SHROOM4: variants seen among roughly 807,000 people sequenced by gnomAD.
SHROOM4 encodes shroom family member 4.
A neutral mutation model predicts 80.3 loss-of-function variants in SHROOM4; 17 were observed. That is an observed-to-expected ratio of 0.21 (90% CI 0.14 to 0.32). SHROOM4 has a LOEUF of 0.32. SHROOM4 is among the 10% of genes least tolerant of loss of function. The probability of loss-of-function intolerance (pLI) is 1.00; values close to 1 mark genes in which losing one functional copy is unlikely to be tolerated. For missense variants in SHROOM4, 993 were observed against 1,140.3 expected, an observed-to-expected ratio of 0.87 and a Z score of 1.86; for synonymous variants, 400 against 437.5, an observed-to-expected ratio of 0.91 and a Z score of 1.07.
intron 3 of SHROOM4, 31 bp from the exon 4 acceptor site, chrX:50,635,699 G>C: frequency 8.5e-7 from 1 of 1,181,844 alleles, no homozygotes; most frequent in South Asian, 1.8e-5. Flanking sequence ...TGGTTAGTTA[G>C]CGAAGTCATG....
Position 50,607,589 on chromosome X carries a change from G to C in SHROOM4, c.3553C>G (p.Pro1185Ala), listed in dbSNP as rs1557248758. 8.3e-7 allele frequency: 1 copy of C among 1,209,404 alleles called. No homozygotes were observed. The highest frequency in any genetic ancestry group is 1.1e-6 in the Non-Finnish European group (1 of 895,128). Residue 1185 changes from proline (P) to alanine (A), a missense_variant, in exon 6 of 9, where the codon CCC becomes GCC. By Grantham distance (27) the Pro-to-Ala change is conservative (BLOSUM62 -1). Transcript: ENST00000376020. ...NPEEVLEQPQ[P>A]LSFGHLEGSR... ...CCCTCCAGGTGGCCAAAGCTGAGGG[G>C]TTGTGGCTGCTCTAGGACCTCCTCA...
chrX:50,610,907 A>G (rs1929940704), intron 5 of SHROOM4, among the ~76,000 whole-genome samples: 1 of 111,701 alleles, frequency 9.0e-6, no homozygotes, highest in African/African-American at 3.3e-5. Context: ...GAAAAAAAGT[A>G]GAAACAAAAT....
At chrX:50,755,264 A>T (rs1490644370) in intron 1 of SHROOM4, among the ~76,000 whole-genome samples, 1 of 112,113 alleles carries the variant, frequency 8.9e-6, no homozygotes, top group Non-Finnish European at 1.9e-5. Context: ...TCCGCTATAG[A>T]AACCACAAGT....
chrX:50,634,719 T>C lies in SHROOM4; in HGVS notation c.1354A>G (p.Ser452Gly). 8.3e-7 allele frequency: 1 copy of C among 1,211,800 alleles called. No homozygotes were observed. The highest frequency in any genetic ancestry group is 1.1e-6 in the Non-Finnish European group (1 of 895,449). Residue 452 changes from serine to glycine, a missense_variant, in exon 4 of 9, where the codon AGC becomes GGC. Transcript: ENST00000376020. Reference protein sequence around the residue: ...GHQWTLSPLHSSHKGKKSPCP... With the variant: ...GHQWTLSPLHGSHKGKKSPCP... ...GGACTTTTCTTCCCTTTGTGGCTGCTGTGCAAAGGGGACAGAGTCCACTGG... is the reference window on the plus strand; with the variant it reads ...GGACTTTTCTTCCCTTTGTGGCTGCCGTGCAAAGGGGACAGAGTCCACTGG...
chrX:50,720,113 AG>A (rs1387102464), intron 1 of SHROOM4, among the ~76,000 whole-genome samples: 1 of 111,505 alleles, frequency 9.0e-6, no homozygotes, highest in East Asian at 2.8e-4. Context: ...GCATGTTTGC[AG>A]GAAGGGGTAA....
Position 50,623,092 on chromosome X carries a change from C to G in SHROOM4, c.2957+4522G>C, listed in dbSNP as rs782194621. Among the ~76,000 whole-genome samples, 202 of 112,185 alleles carry G rather than the reference C, an allele frequency of 1.8e-3. 3 individuals carry two copies. Among genetic ancestry groups the G allele is most frequent in the Non-Finnish European group, 2.7e-3 (145 of 53,230 alleles). On this transcript the variant is annotated intron_variant, in intron 5 of 8. Coordinates refer to ENST00000376020, the MANE Select transcript of SHROOM4 (RefSeq NM_020717.5). ...GGGCCTGGGGCCACATTTTGAGAAC[C>G]ACTAAATTAAACCCAATTGCTCCCT...
chrX:50,595,956 C>T lies in SHROOM4; in HGVS notation c.*739G>A, dbSNP rs41307627. Reference sequence around the variant, plus strand: ...GGTGAAGCCCTGGGGTAGGCACCTGCGGTAACCCCCAGCAATGTAAAGGAA... The same window carrying T: ...GGTGAAGCCCTGGGGTAGGCACCTGTGGTAACCCCCAGCAATGTAAAGGAA... On this transcript the variant is annotated 3_prime_UTR_variant, in exon 9 of 9. Coordinates refer to ENST00000376020, the MANE Select transcript of SHROOM4 (RefSeq NM_020717.5). The T allele has an allele frequency of 5.7e-3, 1,881 of 327,238 alleles. 5 individuals carry two copies. Among genetic ancestry groups the T allele is most frequent in the Admixed American group, 8.0e-3 (256 of 31,978 alleles). 27.0% of individuals were successfully genotyped at this position (327,238 alleles called of 1,213,427 possible).
chrX:50,741,682 C>T (rs947213084), intron 1 of SHROOM4, among the ~76,000 whole-genome samples: 3 of 111,065 alleles, frequency 2.7e-5, no homozygotes, highest in Non-Finnish European at 5.7e-5. Context: ...AGCACCTTTT[C>T]ATGTGCTTTT....
intron 2 of SHROOM4, among the ~76,000 whole-genome samples, chrX:50,683,400 T>C: frequency 9.0e-6 from 1 of 111,195 alleles, no homozygotes. Flanking sequence ...TTTTGGTGAG[T>C]AAAGATTTCA....
chrX:50,611,213 T>A lies in SHROOM4; in HGVS notation c.2958-3029A>T, dbSNP rs1449437113. 4.1e-5 allele frequency among the ~76,000 whole-genome samples: 4 copies of A among 97,934 alleles called. No individual in the cohort carries two copies. The East Asian group carries it at 1.3e-3, about 32-fold the overall frequency. The allele number at this position is 97,934 out of a possible 115,157, so 85.0% of individuals were successfully genotyped here. On this transcript the variant is annotated intron_variant, in intron 5 of 8. Transcript: ENST00000376020. ...GCCCAGGCCGGACTGCAGTGGCGCTTTCTTAGCTCACTGCAAGCTCCGCCT... is the reference window on the plus strand; with the variant it reads ...GCCCAGGCCGGACTGCAGTGGCGCTATCTTAGCTCACTGCAAGCTCCGCCT...
intron 1 of SHROOM4, among the ~76,000 whole-genome samples, chrX:50,793,460 T>C (rs1557271741): frequency 9.1e-6 from 1 of 109,541 alleles, no homozygotes; most frequent in Non-Finnish European, 1.9e-5. Context: ...CAATAAAAAG[T>C]AAGTTAGATG....
the SHROOM4 span, among the ~76,000 whole-genome samples, chrX:50,579,666 C>T: frequency 9.0e-6 from 1 of 111,220 alleles, no homozygotes; most frequent in African/African-American, 3.3e-5. Flanking sequence ...TACTGTGCAA[C>T]AGGGCACCCG....
intron 5 of SHROOM4, among the ~76,000 whole-genome samples, chrX:50,611,260 T>C (rs1359062585): frequency 9.4e-6 from 1 of 106,105 alleles, no homozygotes; most frequent in Non-Finnish European, 1.9e-5. Flanking sequence ...GCCATTCTCC[T>C]GCCTCAGCCT....
intron 4 of SHROOM4, 128 bp from the exon 5 acceptor site, chrX:50,627,803 A>G (rs1674746951): frequency 1.8e-6 from 1 of 547,263 alleles, no homozygotes; most frequent in Non-Finnish European, 3.1e-6. Flanking sequence ...CTACTCTGCT[A>G]TGCAGGCTGA....
At position 50,702,115 on chromosome X, in the gene SHROOM4, A is replaced by G. The variant is rs782629413; in HGVS notation, c.118-6178T>C. Among the ~76,000 whole-genome samples, 288 of 112,407 alleles carry G rather than the reference A, an allele frequency of 2.6e-3. 2 individuals are homozygous for G. The highest frequency in any genetic ancestry group is 8.9e-3 in the African/African-American group (277 of 30,973). On this transcript the variant is annotated intron_variant, in intron 1 of 8. Transcript: ENST00000376020. The stretch of plus-strand genomic sequence containing the variant: ...AGAGATAGCCAAATACCCAATAAGC[A>G]TCTGAAAAGGTGCTCAATATAATTC...
chrX:50,710,055 G>A (rs1933772108), intron 1 of SHROOM4, among the ~76,000 whole-genome samples: 1 of 112,201 alleles, frequency 8.9e-6, no homozygotes, highest in Non-Finnish European at 1.9e-5. Context: ...TCACAGGCAT[G>A]TTTGGTAGGG....
chrX:50,764,800 A>AC (rs1935236485), intron 1 of SHROOM4, among the ~76,000 whole-genome samples: 1 of 111,740 alleles, frequency 8.9e-6, no homozygotes, highest in Non-Finnish European at 1.9e-5. Flanking sequence ...GCTTTTGGAA[A>AC]CCAACTTGTA....
At chrX:50,746,725 A>G (rs1288614266) in intron 1 of SHROOM4, among the ~76,000 whole-genome samples, 1 of 111,992 alleles carries the variant, frequency 8.9e-6, no homozygotes, top group African/African-American at 3.2e-5. Flanking sequence ...AAGCAACCCA[A>G]TGTTTTCCCA....
At chrX:50,777,216 C>T (rs1273264705) in intron 1 of SHROOM4, among the ~76,000 whole-genome samples, 3 of 111,508 alleles carry the variant, frequency 2.7e-5, no homozygotes, top group Non-Finnish European at 5.6e-5. Flanking sequence ...CAAGACATTA[C>T]TTCCTGAGCC....
Sources: allele counts gnomAD v4.1 joint callset (sites outside exome capture counted in the v4.1 genomes callset), GRCh38; gene constraint gnomAD v4.1.1; transcripts MANE v1.5; gene names NCBI Gene and HGNC (gene_info 2026-07-23, HGNC 2026-07-21).